Variants in SGCZ observed in about 807,000 individuals in gnomAD.
SGCZ encodes the protein zeta-sarcoglycan.
A neutral mutation model predicts 41.3 loss-of-function variants in SGCZ; 40 were observed. The ratio of observed to expected loss-of-function variants is 0.97; its 90% confidence interval spans 0.75 to 1.26. The LOEUF (loss-of-function observed/expected upper bound fraction) is 1.26, where lower values mean the gene tolerates loss of function less well. SGCZ is among the 50% of genes most tolerant of loss of function. SGCZ has a pLI of 0.00. For missense variants in SGCZ, 552 were observed against 369.8 expected (o/e 1.49, Z -4.04); for synonymous variants, 206 against 137.5 (o/e 1.50, Z -3.49).
chr8:15,018,267 A>T (rs1803115667), intron 1 of SGCZ, among the ~76,000 whole-genome samples: 1 of 152,216 alleles, frequency 6.6e-6, no homozygotes, highest in African/African-American at 2.4e-5. Context: ...AAGCTCAGAG[A>T]TGTCTTCAAG....
chr8:14,674,268 G>A (rs1187248609), intron 1 of SGCZ, among the ~76,000 whole-genome samples: 2 of 151,690 alleles, frequency 1.3e-5, no homozygotes, highest in African/African-American at 4.8e-5. Context: ...AAACACCAAC[G>A]TAAAACCTTA....
intron 4 of SGCZ, among the ~76,000 whole-genome samples, chr8:14,197,534 T>C (rs1021152838): frequency 6.6e-6 from 1 of 152,090 alleles, no homozygotes; most frequent in African/African-American, 2.4e-5. Context: ...TTCATTAAAT[T>C]ATGCCAGATC....
intron 4 of SGCZ, among the ~76,000 whole-genome samples, chr8:14,232,801 A>G (rs901603964): frequency 4.6e-5 from 7 of 152,052 alleles, no homozygotes; most frequent in African/African-American, 1.7e-4. Context: ...TCATTCTTCC[A>G]AATTTATTGA....
chr8:15,138,081 T>G (rs754543881), intron 1 of SGCZ, among the ~76,000 whole-genome samples: 3 of 152,192 alleles, frequency 2.0e-5, no homozygotes, highest in Admixed American at 6.5e-5. Context: ...TCAGCATGAC[T>G]TGGCTGTGAG....
At chr8:15,138,568 A>G (rs2116990592) in intron 1 of SGCZ, among the ~76,000 whole-genome samples, 1 of 152,244 alleles carries the variant, frequency 6.6e-6, no homozygotes, top group East Asian at 1.9e-4. Context: ...TGCCGTTCTC[A>G]TGATAAAGAG....
At chr8:14,461,710 A>G (rs13263063) in intron 2 of SGCZ, among the ~76,000 whole-genome samples, 4 of 152,176 alleles carry the variant, frequency 2.6e-5, no homozygotes, top group African/African-American at 9.6e-5. Flanking sequence ...ATTCAACGCA[A>G]AGTCCTACAA....
chr8:14,432,285 C>T (rs1193822834), intron 2 of SGCZ, among the ~76,000 whole-genome samples: 2 of 152,096 alleles, frequency 1.3e-5, no homozygotes, highest in Non-Finnish European at 2.9e-5. Flanking sequence ...ACCCAAATGC[C>T]CATCGATCAA....
At chr8:14,856,812 A>C (rs1803558719) in intron 1 of SGCZ, among the ~76,000 whole-genome samples, 1 of 152,118 alleles carries the variant, frequency 6.6e-6, no homozygotes, top group South Asian at 2.1e-4. Context: ...AGGTTAATTA[A>C]ATATTGTTAA....
At chr8:15,166,619 C>A (rs1197889565) in intron 1 of SGCZ, among the ~76,000 whole-genome samples, 1 of 152,104 alleles carries the variant, frequency 6.6e-6, no homozygotes, top group Admixed American at 6.6e-5. Context: ...TATGGGATTT[C>A]TAAAAATTCT....
At chr8:14,410,326 A>C (rs11988587) in intron 2 of SGCZ, among the ~76,000 whole-genome samples, 20,368 of 151,680 alleles carry the variant, frequency 0.13, 2,997 homozygotes, top group African/African-American at 0.36. Context: ...TAATATCCAC[A>C]TTCTGAGCAT....
At chr8:14,557,792 G>T (rs184456098) in intron 1 of SGCZ, among the ~76,000 whole-genome samples, 44 of 151,950 alleles carry the variant, frequency 2.9e-4, no homozygotes, top group Middle Eastern at 3.4e-3. Context: ...AAACCCAGCA[G>T]AAGAAAGAAA....
intron 3 of SGCZ, among the ~76,000 whole-genome samples, chr8:14,262,444 A>G (rs1215923151): frequency 6.6e-6 from 1 of 152,096 alleles, no homozygotes; most frequent in Non-Finnish European, 1.5e-5. Context: ...TATAATTTTA[A>G]ATTTTTACTT....
intron 1 of SGCZ, among the ~76,000 whole-genome samples, chr8:15,037,203 G>A (rs1324527674): frequency 6.6e-6 from 1 of 152,134 alleles, no homozygotes; most frequent in South Asian, 2.1e-4. Context: ...GGACCCAGTA[G>A]GAGATAACTG....
chr8:14,748,373 T>A (rs2130307429), intron 1 of SGCZ, among the ~76,000 whole-genome samples: 1 of 152,312 alleles, frequency 6.6e-6, no homozygotes, highest in East Asian at 1.9e-4. Context: ...GTGGCATGAA[T>A]GGGCAAGCAA....
At chr8:14,098,326 G>C (rs1413022698) in intron 7 of SGCZ, among the ~76,000 whole-genome samples, 2 of 152,134 alleles carry the variant, frequency 1.3e-5, no homozygotes, top group Admixed American at 1.3e-4. Flanking sequence ...TTTCTGATGT[G>C]AAAGCAAGAA....
intron 2 of SGCZ, among the ~76,000 whole-genome samples, chr8:14,468,505 T>G (rs1227287303): frequency 6.6e-6 from 1 of 152,120 alleles, no homozygotes; most frequent in East Asian, 1.9e-4. Flanking sequence ...TGTCTGATCT[T>G]ATCTTCTAGT....
At chr8:14,600,320 A>G (rs900890653) in intron 1 of SGCZ, among the ~76,000 whole-genome samples, 2 of 152,128 alleles carry the variant, frequency 1.3e-5, no homozygotes, top group Non-Finnish European at 2.9e-5. Context: ...GCATCTATAT[A>G]CTGATGACTC....
chr8:14,120,031 G>T (rs925213886), intron 5 of SGCZ, among the ~76,000 whole-genome samples: 3 of 151,994 alleles, frequency 2.0e-5, no homozygotes, highest in Admixed American at 2.0e-4. Flanking sequence ...TTCTTTTTCT[G>T]TGTGTGTCTC....
At chr8:14,596,135 A>G (rs17250568) in intron 1 of SGCZ, among the ~76,000 whole-genome samples, 60,068 of 152,058 alleles carry the variant, frequency 0.4, 12,954 homozygotes, top group Middle Eastern at 0.49. Context: ...CACAATGATG[A>G]GTGAGAATAT....
Sources: gnomAD v4.1 joint callset for allele counts (sites outside exome capture counted in the v4.1 genomes callset) on GRCh38, gnomAD v4.1.1 for gene constraint, MANE v1.5 for transcripts, NCBI Gene and HGNC (gene_info 2026-07-23, HGNC 2026-07-21) for gene names.